MAPK8IP3: variants seen among roughly 807,000 people sequenced by gnomAD.
MAPK8IP3 encodes C-Jun-amino-terminal kinase-interacting protein 3.
MAPK8IP3 carries 49 observed loss-of-function variants against 157.8 expected under a neutral mutation model. That is an observed-to-expected ratio of 0.31 (90% CI 0.25 to 0.39). MAPK8IP3 has a LOEUF of 0.39. Ranked by LOEUF, MAPK8IP3 falls within the 10% of genes least tolerant of loss-of-function variation. MAPK8IP3 has a pLI of 1.00. For synonymous variants in MAPK8IP3, 897 were observed against 777.7 expected (o/e 1.15, Z -2.55); for missense variants, 1,478 against 1,889.4 (o/e 0.78, Z 4.04).
intron 4 of MAPK8IP3, among the ~76,000 whole-genome samples, chr16:1,737,235 C>A (rs2040015264): frequency 1.2e-5 from 1 of 85,898 alleles, no homozygotes; most frequent in African/African-American, 5.3e-5. Context: ...TCCATGTAAG[C>A]ATCCGTGTGA....
At chr16:1,765,260 G>C (rs1391905707) in intron 20 of MAPK8IP3, 82 bp downstream of exon 20, 2 of 1,463,186 alleles carry the variant, frequency 1.4e-6, no homozygotes, top group South Asian at 1.3e-5. Flanking sequence ...CCACACAGCA[G>C]CTGCCTTCTC....
Position 1,729,214 on chromosome 16 carries a change from C to T in MAPK8IP3, c.510+6C>T, listed in dbSNP as rs201116895. On this transcript the variant is annotated splice_donor_region_variant and intron_variant, in intron 3 of 31. Transcript: ENST00000610761. ...TGCACCAGCGGCACACAGAGGTGGG[C>T]GCCCAGAGGCAAGCGCGGAGACGAG... The T allele has an allele frequency of 2.7e-4, 440 of 1,613,560 alleles. No individual in the cohort carries two copies. Among genetic ancestry groups the T allele is most frequent in the Non-Finnish European group, 3.5e-4 (417 of 1,179,964 alleles).
intron 4 of MAPK8IP3, among the ~76,000 whole-genome samples, chr16:1,736,741 ACCAT>A (rs1194929748): frequency 1.3e-4 from 7 of 52,456 alleles, no homozygotes; most frequent in African/African-American, 5.4e-4. Flanking sequence ...TGAGCGTGTG[ACCAT>A]CCATGTGAGC....
At chr16:1,763,347 C>T (rs893574299) in intron 16 of MAPK8IP3, among the ~76,000 whole-genome samples, 14 of 152,370 alleles carry the variant, frequency 9.2e-5, no homozygotes, top group African/African-American at 2.9e-4. Context: ...GCCTGTGCCC[C>T]GGCGGCACTC....
intron 13 of MAPK8IP3, among the ~76,000 whole-genome samples, chr16:1,761,772 C>T (rs1212495420): frequency 2.0e-5 from 3 of 150,216 alleles, no homozygotes; most frequent in Non-Finnish European, 4.4e-5. Flanking sequence ...CGCATTCACA[C>T]GTGGGGCAGC....
intron 1 of MAPK8IP3, among the ~76,000 whole-genome samples, chr16:1,721,182 C>A (rs145410716): frequency 1.1e-3 from 160 of 149,572 alleles, no homozygotes; most frequent in Middle Eastern, 7.4e-3. Flanking sequence ...ACTAAAAATA[C>A]ATTAGCTGGA....
intron 1 of MAPK8IP3, among the ~76,000 whole-genome samples, chr16:1,723,884 T>A (rs2038697953): frequency 6.6e-6 from 1 of 152,222 alleles, no homozygotes; most frequent in Admixed American, 6.5e-5. Context: ...GATAATAATT[T>A]TGTCCTGAAA....
rs1215374314 is a variant in MAPK8IP3, at chr16:1,766,063, G to A, written c.2550G>A (p.Val850=). Residue 850 remains valine (V), a synonymous_variant, in exon 21 of 32, where the codon GTG becomes GTA. Coordinates refer to ENST00000610761, the MANE Select transcript of MAPK8IP3 (RefSeq NM_001318852.2). ...ADGVLAGITL[V]GCATRCNVPR... Reference sequence around the variant, plus strand: ...GCGTGCTGGCCGGTATCACCCTGGTGGGCTGTGCCACCCGCTGCAACGTGC... The same window carrying A: ...GCGTGCTGGCCGGTATCACCCTGGTAGGCTGTGCCACCCGCTGCAACGTGC... 19 of 1,612,848 alleles carry A rather than the reference G, an allele frequency of 1.2e-5. No homozygotes were observed. Among genetic ancestry groups the A allele is most frequent in the Non-Finnish European group, 1.5e-5 (18 of 1,179,958 alleles).
chr16:1,736,879 A>T (rs1424744221), intron 4 of MAPK8IP3, among the ~76,000 whole-genome samples: 4 of 34,334 alleles, frequency 1.2e-4, no homozygotes, highest in African/African-American at 1.4e-4. Context: ...AGCATCCGTG[A>T]GCGTGTGACC....
At position 1,710,635 on chromosome 16, in the gene MAPK8IP3, G is replaced by C. The variant is rs1447138704; in HGVS notation, c.318+3978G>C. ...TTTTCTCCTCTGCGCCAGACGATCT[G>C]CAGGAAGTCTTTTCCATCAATGAAT... On this transcript the variant is annotated intron_variant, in intron 1 of 31. Coordinates refer to ENST00000610761, the MANE Select transcript of MAPK8IP3 (RefSeq NM_001318852.2). This position sits in a 1 kb window ranked among gnomAD's most constrained non-coding sequence, Gnocchi z 4.1. 2.0e-5 allele frequency among the ~76,000 whole-genome samples: 3 copies of C among 152,106 alleles called. No individual in the cohort carries two copies. The highest frequency in any genetic ancestry group is 7.2e-5 in the African/African-American group (3 of 41,414).
chr16:1,708,654 G>C (rs1473025578), intron 1 of MAPK8IP3, among the ~76,000 whole-genome samples: 1 of 152,158 alleles, frequency 6.6e-6, no homozygotes, highest in Non-Finnish European at 1.5e-5. Flanking sequence ...GTGTGCGTGT[G>C]GTTTGCAAAG....
In MAPK8IP3 at chr16:1,724,440, GTGGCCCTGGGGACATCTT is replaced by G; in HGVS notation, c.319-110_319-93del. ...TTCCGGCCTGGCCATGGGCCAGCTT[GTGGCCCTGGGGACATCTT>G]TGGCCCCTGGGCCCTCAAAGCCTGC... On this transcript the variant is annotated intron_variant, in intron 1 of 31. Transcript: ENST00000610761. This position sits in a 1 kb window ranked among gnomAD's most constrained non-coding sequence, Gnocchi z 4.1. 1.5e-6 allele frequency: 2 copies of G among 1,370,562 alleles called. No individual in the cohort carries two copies. The highest frequency in any genetic ancestry group is 2.6e-4 in the Middle Eastern group (1 of 3,822). 84.9% of individuals were successfully genotyped at this position (1,370,562 alleles called of 1,614,324 possible). A position where few individuals can be genotyped will look rare whatever the true frequency, so the allele number is the denominator to read the frequency against.
chr16:1,738,021 T>G (rs1393999622), intron 4 of MAPK8IP3, among the ~76,000 whole-genome samples: 2 of 78,720 alleles, frequency 2.5e-5, no homozygotes, highest in African/African-American at 5.4e-5. Context: ...TGACCGTCCG[T>G]GTGAGCATCC....
chr16:1,708,100 G>A (rs1358356213), intron 1 of MAPK8IP3: 1 of 152,240 alleles, frequency 6.6e-6, no homozygotes, highest in African/African-American at 2.4e-5. Flanking sequence ...TCAACCTAAG[G>A]GAACGCAAAG....
At position 1,766,797 on chromosome 16, in the gene MAPK8IP3, G is replaced by A; in HGVS notation, c.3014G>A (p.Ser1005Asn). 1 of 1,612,706 alleles carries A rather than the reference G, an allele frequency of 6.2e-7. No homozygotes were observed. The highest frequency in any genetic ancestry group is 2.2e-5 in the East Asian group (1 of 44,874). Residue 1005 changes from serine (S) to asparagine (N), a missense_variant, in exon 24 of 32, where the codon AGC becomes AAC. Around this residue, in one of 11 missense-constraint regions of MAPK8IP3, gnomAD observed 669 missense variants for 759.8 expected, o/e 0.88. Coordinates refer to ENST00000610761, the MANE Select transcript of MAPK8IP3 (RefSeq NM_001318852.2). ...HSIKLKDSVL[S>N]LVHVKGRVLV... ...ATCAAGCTGAAGGATTCTGTGCTGA[G>A]CCTGGTGTGGGTGACCCCAGACCGA...
intron 8 of MAPK8IP3, chr16:1,752,456 A>G: frequency 2.8e-6 from 1 of 353,848 alleles, no homozygotes; most frequent in Non-Finnish European, 5.6e-6. Flanking sequence ...TAAGAAAGGC[A>G]GGGAGGCCAG....
At position 1,743,292 on chromosome 16, in the gene MAPK8IP3, C is replaced by G; in HGVS notation, c.603-40C>G. On this transcript the variant is annotated intron_variant, in intron 4 of 31. Coordinates refer to ENST00000610761, the MANE Select transcript of MAPK8IP3 (RefSeq NM_001318852.2). This position sits in a 1 kb window ranked among gnomAD's most constrained non-coding sequence, Gnocchi z 5.6. ...GGCTTGGGAAATCTTCACGGCCACCCTCTAACCATCGCTTCCTCTCCTCTC... is the reference window on the plus strand; with the variant it reads ...GGCTTGGGAAATCTTCACGGCCACCGTCTAACCATCGCTTCCTCTCCTCTC... The G allele has an allele frequency of 6.6e-7, 1 of 1,513,438 alleles. No homozygotes were observed. The highest frequency in any genetic ancestry group is 1.4e-5 in the African/African-American group (1 of 69,538). 93.8% of individuals were successfully genotyped at this position (1,513,438 alleles called of 1,614,324 possible). A position where few individuals can be genotyped will look rare whatever the true frequency, so the allele number is the denominator to read the frequency against.
At chr16:1,712,564 T>G (rs921436759) in intron 1 of MAPK8IP3, among the ~76,000 whole-genome samples, 2 of 152,148 alleles carry the variant, frequency 1.3e-5, no homozygotes, top group Non-Finnish European at 2.9e-5. Flanking sequence ...TGGGGCAGAC[T>G]GGACATCTCA....
intron 4 of MAPK8IP3, among the ~76,000 whole-genome samples, chr16:1,730,257 C>G (rs1479579187): frequency 6.6e-6 from 1 of 151,716 alleles, no homozygotes; most frequent in African/African-American, 2.4e-5. Flanking sequence ...TGAGCCCCGT[C>G]TCTAAAAAAA....
Sources: allele counts gnomAD v4.1 joint callset (sites outside exome capture counted in the v4.1 genomes callset), GRCh38; gene constraint gnomAD v4.1.1; regional missense constraint gnomAD v4.1.1; non-coding constraint Gnocchi (gnomAD v3.1); transcripts MANE v1.5; gene names NCBI Gene and HGNC (gene_info 2026-07-23, HGNC 2026-07-21).